Variants in PACRG observed in about 807,000 individuals in gnomAD.
PACRG encodes the protein parkin coregulated.
A neutral mutation model predicts 29.7 loss-of-function variants in PACRG; 29 were observed. The ratio of observed to expected loss-of-function variants is 0.98; its 90% CI spans 0.73 to 1.33. The LOEUF (loss-of-function observed/expected upper bound fraction) is 1.33. PACRG is among the 40% of genes most tolerant of loss of function. The pLI is 0.00. For synonymous variants in PACRG, 116 were observed against 118.7 expected (o/e 0.98, Z 0.15); for missense variants, 279 against 316.2 (o/e 0.88, Z 0.89).
chr6:163,235,882 A>G (rs991691698), intron 4 of PACRG, among the ~76,000 whole-genome samples: 1 of 152,032 alleles, frequency 6.6e-6, no homozygotes, highest in Non-Finnish European at 1.5e-5. Context: ...CTTATAAGAG[A>G]GAGGCTTTGG....
chr6:163,028,653 A>G (rs73783981), intron 2 of PACRG, among the ~76,000 whole-genome samples: 4,382 of 152,318 alleles, frequency 0.029, 212 homozygotes, highest in African/African-American at 0.1. Flanking sequence ...TAAAGTTTAA[A>G]TGATCAAAAA....
chr6:162,738,135 G>A (rs909512148), intron 1 of PACRG, among the ~76,000 whole-genome samples: 4 of 152,074 alleles, frequency 2.6e-5, no homozygotes, highest in African/African-American at 9.7e-5. Flanking sequence ...TTCATTCCTA[G>A]AGGCAAGCAG....
At chr6:162,867,199 C>T (rs890936974) in intron 2 of PACRG, among the ~76,000 whole-genome samples, 1 of 152,202 alleles carries the variant, frequency 6.6e-6, no homozygotes, top group Non-Finnish European at 1.5e-5. Context: ...GCCCACTGAC[C>T]TTGGCACCCA....
At chr6:162,761,830 G>T (rs180966099) in intron 1 of PACRG, among the ~76,000 whole-genome samples, 528 of 151,372 alleles carry the variant, frequency 3.5e-3, no homozygotes, top group African/African-American at 0.012. Context: ...CCAGCTTCTC[G>T]AGAGGCTGGG....
At chr6:163,191,343 G>T (rs1012788424) in intron 4 of PACRG, among the ~76,000 whole-genome samples, 11 of 151,980 alleles carry the variant, frequency 7.2e-5, no homozygotes, top group African/African-American at 2.7e-4. Context: ...TCATTCCTCA[G>T]CTCAGTGTCA....
chr6:162,773,494 ATTTTTTTTTTTT>A lies in PACRG; in HGVS notation c.157-40633_157-40622del, dbSNP rs71008110. On this transcript the variant is annotated intron_variant, in intron 1 of 4. Transcript: ENST00000366888. ...ATATTTGGTATTTTTACAGCTTGTC[ATTTTTTTTTTTT>A]TTTTTTTTTTTTTTTTTTTGAGACG... Among the ~76,000 whole-genome samples the A allele has an allele frequency of 1.7e-4, 11 of 66,022 alleles. No individual in the cohort carries two copies. The South Asian group carries it at 2.8e-3, about 17-fold the overall frequency. The allele number at this position is 66,022 out of a possible 152,430, so 43.3% of individuals were successfully genotyped here.
In PACRG at chr6:162,814,222, C is replaced by G; in HGVS notation, c.232C>G (p.Arg78Gly). The change falls in exon 2 of 5, where the codon CGA (arginine) becomes GGA (glycine). Residue 78 changes from arginine to glycine, a missense_variant. Transcript: ENST00000366888. ...KPTAFRKFYE[R>G]GDFPIALEHD... ...CACAGCATTTCGAAAATTCTATGAG[C>G]GAGGTGACTTCCCAATTGCCCTTGA... is the stretch of plus-strand genomic sequence containing the variant. 1 of 1,613,686 alleles carries G rather than the reference C, an allele frequency of 6.2e-7. No homozygotes were observed. The highest frequency in any genetic ancestry group is 8.5e-7 in the Non-Finnish European group (1 of 1,179,848).
At chr6:162,749,460 T>C (rs796425061) in intron 1 of PACRG, among the ~76,000 whole-genome samples, 31 of 152,340 alleles carry the variant, frequency 2.0e-4, no homozygotes, top group African/African-American at 7.2e-4. Flanking sequence ...ACAGAGTATG[T>C]ATAATCCTGC....
intron 2 of PACRG, among the ~76,000 whole-genome samples, chr6:162,884,066 T>G (rs1794128852): frequency 6.6e-6 from 1 of 152,042 alleles, no homozygotes; most frequent in African/African-American, 2.4e-5. Context: ...ACCTCCCGCC[T>G]AAGTCCCCCA....
At chr6:162,741,536 T>A (rs534438653) in intron 1 of PACRG, among the ~76,000 whole-genome samples, 3 of 152,182 alleles carry the variant, frequency 2.0e-5, no homozygotes, top group Non-Finnish European at 4.4e-5. Context: ...TCTCTCTTTC[T>A]TGTAGAGCCA....
chr6:162,830,787 T>C (rs9347692), intron 2 of PACRG, among the ~76,000 whole-genome samples: 80,288 of 152,068 alleles, frequency 0.53, 22,089 homozygotes, highest in African/African-American at 0.68. Context: ...GAGGGCTCAG[T>C]TGAAGGAGAC....
intron 4 of PACRG, among the ~76,000 whole-genome samples, chr6:163,117,801 T>C (rs1448352848): frequency 1.3e-5 from 2 of 150,952 alleles, no homozygotes; most frequent in Non-Finnish European, 3.0e-5. Flanking sequence ...AAGGTCACTA[T>C]GTGGAGATTA....
At chr6:162,872,230 TCA>T in intron 2 of PACRG, among the ~76,000 whole-genome samples, 1 of 86 alleles carries the variant, frequency 0.012, no homozygotes, top group Non-Finnish European at 0.023. Flanking sequence ...CTATGAGAGC[TCA>T]GTGCTCAGTG....
intron 2 of PACRG, among the ~76,000 whole-genome samples, chr6:162,825,027 G>A (rs1342403262): frequency 6.6e-6 from 1 of 152,108 alleles, no homozygotes; most frequent in Non-Finnish European, 1.5e-5. Flanking sequence ...CTATTTCAGG[G>A]AGTGCAGCTT....
intron 2 of PACRG, among the ~76,000 whole-genome samples, chr6:162,943,087 C>A (rs1798743116): frequency 6.6e-6 from 1 of 152,204 alleles, no homozygotes; most frequent in African/African-American, 2.4e-5. Context: ...AGTGACTCAA[C>A]CCCTGCAGGC....
intron 2 of PACRG, among the ~76,000 whole-genome samples, chr6:163,054,893 C>T (rs1810412596): frequency 6.6e-6 from 1 of 152,144 alleles, no homozygotes; most frequent in African/African-American, 2.4e-5. Flanking sequence ...ACCGCCTCCC[C>T]CCTGGCTGTC....
chr6:162,734,237 G>A (rs1779988939), intron 1 of PACRG, among the ~76,000 whole-genome samples: 1 of 151,536 alleles, frequency 6.6e-6, no homozygotes, highest in African/African-American at 2.4e-5. Context: ...ATTGAAAAAA[G>A]TTAAAGTGGT....
chr6:163,198,250 T>A (rs1356329067), intron 4 of PACRG, among the ~76,000 whole-genome samples: 1 of 152,276 alleles, frequency 6.6e-6, no homozygotes, highest in Non-Finnish European at 1.5e-5. Flanking sequence ...ATGAGAATTT[T>A]ACTTCTCTTT....
chr6:163,077,917 A>G (rs1812693887), intron 3 of PACRG, among the ~76,000 whole-genome samples: 1 of 152,208 alleles, frequency 6.6e-6, no homozygotes, highest in Admixed American at 6.5e-5. Context: ...TGGAGGCGGC[A>G]GAGATGGAGA....
Sources: allele counts gnomAD v4.1 joint callset (sites outside exome capture counted in the v4.1 genomes callset), GRCh38; gene constraint gnomAD v4.1.1; transcripts MANE v1.5; gene names NCBI Gene and HGNC (gene_info 2026-07-23, HGNC 2026-07-21).